Variants in NEMP2 observed in about 807,000 individuals in gnomAD.
NEMP2 encodes the protein nuclear envelope integral membrane protein 2.
A neutral mutation model predicts 54.2 loss-of-function variants in NEMP2; 53 were observed. The observed-to-expected ratio is 0.98, with a 90% CI of 0.78 to 1.23. The LOEUF (loss-of-function observed/expected upper bound fraction) is 1.23. NEMP2 is among the 50% of genes most tolerant of loss of function. The probability of loss-of-function intolerance (pLI) is 0.00; values close to 1 mark genes in which losing one functional copy is unlikely to be tolerated. For missense variants in NEMP2, 455 were observed against 511.3 expected (o/e 0.89, Z 1.06); for synonymous variants, 197 against 190.3 (o/e 1.04, Z -0.29).
chr2:190,536,655 G>C (rs1691387027), upstream of NEMP2, among the ~76,000 whole-genome samples: 1 of 152,192 alleles, frequency 6.6e-6, no homozygotes, highest in Non-Finnish European at 1.5e-5. Context: ...GGAGGAAAAA[G>C]AGTGGGGAGA....
the NEMP2 span, among the ~76,000 whole-genome samples, chr2:190,479,874 A>G: frequency 6.6e-6 from 1 of 152,192 alleles, no homozygotes; most frequent in South Asian, 2.1e-4. Context: ...TTTTAATGTC[A>G]TCAGTTAGGG....
At chr2:190,535,025 G>T, upstream of NEMP2, 1 of 187,876 alleles carries the variant, frequency 5.3e-6, no homozygotes. Context: ...CGCAGGGGTG[G>T]GAGTTGCAGA....
At chr2:190,504,055 C>T (rs923817078), downstream of NEMP2, among the ~76,000 whole-genome samples, 1 of 152,116 alleles carries the variant, frequency 6.6e-6, no homozygotes, top group African/African-American at 2.4e-5. This position sits in a 1 kb window ranked among gnomAD's most constrained non-coding sequence, Gnocchi z 5.6. Flanking sequence ...TTTTAGATGG[C>T]AACCCAAGGA....
the NEMP2 span, among the ~76,000 whole-genome samples, chr2:190,605,450 C>T: frequency 4.6e-5 from 7 of 152,066 alleles, no homozygotes; most frequent in Non-Finnish European, 7.3e-5. Context: ...TCTCAGGTCA[C>T]TGCAACCTTC....
At chr2:190,544,620 A>G in the NEMP2 span, among the ~76,000 whole-genome samples, 1 of 152,158 alleles carries the variant, frequency 6.6e-6, no homozygotes, top group African/African-American at 2.4e-5. Context: ...GTGGTGAGAA[A>G]AAATACTCAA....
the NEMP2 span, chr2:190,463,857 G>A: frequency 1.0e-6 from 1 of 979,974 alleles, no homozygotes; most frequent in Non-Finnish European, 1.2e-6. The surrounding 1 kb of genome is among the most constrained non-coding windows in gnomAD (Gnocchi z 4.4). Flanking sequence ...ATAAAAAGCT[G>A]AGAATGATGG....
chr2:190,534,267 C>T (rs1211713008), intron 1 of NEMP2: 6 of 1,141,836 alleles, frequency 5.3e-6, no homozygotes, highest in Non-Finnish European at 6.5e-6. Flanking sequence ...ATCAAAACCT[C>T]TCTGAGTTTC....
At chr2:190,461,517 C>T in the NEMP2 span, among the ~76,000 whole-genome samples, 1 of 152,150 alleles carries the variant, frequency 6.6e-6, no homozygotes, top group South Asian at 2.1e-4. The surrounding 1 kb of genome is among the most constrained non-coding windows in gnomAD (Gnocchi z 5.5). Flanking sequence ...ATGTCTTTTA[C>T]CTTGCTTTAA....
chr2:190,490,451 T>TACTC, the NEMP2 span, among the ~76,000 whole-genome samples: 1 of 151,698 alleles, frequency 6.6e-6, no homozygotes, highest in African/African-American at 2.4e-5. The surrounding 1 kb of genome is among the most constrained non-coding windows in gnomAD (Gnocchi z 4.5). Context: ...TAATCCCAGC[T>TACTC]ACTCAGGAGG....
the NEMP2 span, among the ~76,000 whole-genome samples, chr2:190,499,178 A>ATAAC: frequency 1.2e-4 from 18 of 152,174 alleles, no homozygotes; most frequent in Non-Finnish European, 2.4e-4. The surrounding 1 kb of genome is among the most constrained non-coding windows in gnomAD (Gnocchi z 6.0). Flanking sequence ...AAATAAATAA[A>ATAAC]TAAAATGTTT....
the NEMP2 span, among the ~76,000 whole-genome samples, chr2:190,606,191 T>C: frequency 6.6e-6 from 1 of 152,194 alleles, no homozygotes; most frequent in African/African-American, 2.4e-5. Flanking sequence ...ACTTCCTTTT[T>C]CCTACTAGTT....
the NEMP2 span, among the ~76,000 whole-genome samples, chr2:190,643,494 T>C: frequency 6.6e-6 from 1 of 152,112 alleles, no homozygotes; most frequent in African/African-American, 2.4e-5. Flanking sequence ...GGCTCTCCCA[T>C]GTTACCTAAA....
chr2:190,436,346 T>C, the NEMP2 span: 1 of 1,614,276 alleles, frequency 6.2e-7, no homozygotes, highest in Non-Finnish European at 8.5e-7. This position sits in a 1 kb window ranked among gnomAD's most constrained non-coding sequence, Gnocchi z 5.3. Flanking sequence ...AGTGGACTAC[T>C]AGTAGGTATT....
chr2:190,515,782 C>T (rs1574297000), intron 6 of NEMP2, among the ~76,000 whole-genome samples: 2 of 152,214 alleles, frequency 1.3e-5, no homozygotes, highest in East Asian at 1.9e-4. Context: ...ACAATAAAAA[C>T]ATTTATTTTG....
At chr2:190,554,727 C>T in the NEMP2 span, among the ~76,000 whole-genome samples, 1 of 152,212 alleles carries the variant, frequency 6.6e-6, no homozygotes, top group Non-Finnish European at 1.5e-5. This position sits in a 1 kb window ranked among gnomAD's most constrained non-coding sequence, Gnocchi z 5.7. Context: ...GTTGTGGAGG[C>T]AGCTTCAGCA....
At chr2:190,430,219 T>TA in the NEMP2 span, among the ~76,000 whole-genome samples, 1 of 151,486 alleles carries the variant, frequency 6.6e-6, no homozygotes, top group Non-Finnish European at 1.5e-5. Flanking sequence ...TTTTTTTTTT[T>TA]TTTTAATTGA....
chr2:190,647,932 T>A, the NEMP2 span, among the ~76,000 whole-genome samples: 2 of 152,116 alleles, frequency 1.3e-5, no homozygotes, highest in Admixed American at 6.5e-5. Context: ...CAGGCTGGTG[T>A]CCAACTCCGG....
rs757127253 is a variant in NEMP2 at position 190,529,254 on chromosome 2, T to A, written c.98-3876A>T. On this transcript the variant is annotated intron_variant, in intron 1 of 8. Transcript: ENST00000409150. The surrounding 1 kb of genome is among the most constrained non-coding windows in gnomAD (Gnocchi z 4.7). Reference sequence around the variant, plus strand: ...ACCTGCTTAAAACCCTCCAATGGTTTCCTTTTACACCATTAATAAAATCCC... The same window carrying A: ...ACCTGCTTAAAACCCTCCAATGGTTACCTTTTACACCATTAATAAAATCCC... Among the ~76,000 whole-genome samples the A allele has an allele frequency of 3.9e-5, 6 of 152,222 alleles. No individual in the cohort carries two copies. Among genetic ancestry groups the A allele is most frequent in the Middle Eastern group, 3.4e-3 (1 of 294 alleles).
chr2:190,514,973 G>A lies in NEMP2; in HGVS notation c.728-295C>T, dbSNP rs1390209772. ...ACTAAAATGTTATCATGGTTACTTTGGTCAGGAAGAAGTCACAGTTGTATG... is the reference window on the plus strand; with the variant it reads ...ACTAAAATGTTATCATGGTTACTTTAGTCAGGAAGAAGTCACAGTTGTATG... On this transcript the variant is annotated intron_variant, in intron 6 of 8. Transcript: ENST00000409150. This position sits in a 1 kb window ranked among gnomAD's most constrained non-coding sequence, Gnocchi z 5.7. Among the ~76,000 whole-genome samples, 1 of 152,062 alleles carries A rather than the reference G, an allele frequency of 6.6e-6. No homozygotes were observed. The highest frequency in any genetic ancestry group is 1.5e-5 in the Non-Finnish European group (1 of 68,006).
Sources: gnomAD v4.1 joint callset for allele counts (sites outside exome capture counted in the v4.1 genomes callset) on GRCh38, gnomAD v4.1.1 for gene constraint, Gnocchi (gnomAD v3.1) non-coding constraint, MANE v1.5 for transcripts, NCBI Gene and HGNC (gene_info 2026-07-23, HGNC 2026-07-21) for gene names.